The following PLSCR2 variants were observed in gnomAD, a reference collection of about 807,000 sequenced individuals.
PLSCR2 encodes the protein phospholipid scramblase 2, also known as PL scramblase 2.
A neutral mutation model predicts 25.3 loss-of-function variants in PLSCR2; 18 were observed. The observed-to-expected ratio is 0.71, with a 90% CI of 0.49 to 1.06. The LOEUF is 1.06. Among genes scored for constraint, PLSCR2 ranks in the 50% least tolerant of loss-of-function variants. PLSCR2 has a pLI of 0.00. For missense variants in PLSCR2, 243 were observed against 269.5 expected (o/e 0.90, Z 0.69); for synonymous variants, 88 against 87.3 (o/e 1.01, Z -0.04).
exon 5 of PLSCR2, chr3:146,454,118 G>C (rs1482041453): frequency 6.2e-7 from 1 of 1,606,120 alleles, no homozygotes; most frequent in Non-Finnish European, 8.5e-7. Flanking sequence ...TGCCAGGTCT[G>C]AGTAACATAA....
intron 1 of PLSCR2, among the ~76,000 whole-genome samples, chr3:146,482,951 C>A (rs1360059680): frequency 6.6e-6 from 1 of 152,088 alleles, no homozygotes; most frequent in East Asian, 1.9e-4. Context: ...TGGAAACCAT[C>A]ATTCTCAGAA....
chr3:146,426,315 C>CTCCTTCCT (rs944197862), intron 2 of PLSCR2, among the ~76,000 whole-genome samples: 1 of 150,098 alleles, frequency 6.7e-6, no homozygotes, highest in Admixed American at 6.7e-5. Flanking sequence ...CCCTCCTTCC[C>CTCCTTCCT]TCCTTCCTTC....
chr3:146,467,907 T>C (rs1428653007), intron 1 of PLSCR2, among the ~76,000 whole-genome samples: 2 of 152,238 alleles, frequency 1.3e-5, no homozygotes, highest in East Asian at 3.9e-4. Flanking sequence ...TGAAAATTTA[T>C]GAAATTACAG....
downstream of PLSCR2, among the ~76,000 whole-genome samples, chr3:146,431,133 A>G (rs576051674): frequency 2.3e-4 from 35 of 152,300 alleles, no homozygotes; most frequent in Admixed American, 7.2e-4. Context: ...GTGGGAGCAA[A>G]GAAGGGTTAG....
chr3:146,483,408 G>A (rs1265731354), intron 1 of PLSCR2, among the ~76,000 whole-genome samples: 2 of 114,392 alleles, frequency 1.7e-5, no homozygotes, highest in South Asian at 2.7e-4. Context: ...TTGTACACAT[G>A]TACCCTAGAA....
At chr3:146,448,854 A>G (rs2040719064) in intron 6 of PLSCR2, among the ~76,000 whole-genome samples, 1 of 152,136 alleles carries the variant, frequency 6.6e-6, no homozygotes, top group Non-Finnish European at 1.5e-5. Context: ...ATGAGTTAGG[A>G]TGAAATTTCT....
intron 2 of PLSCR2, among the ~76,000 whole-genome samples, chr3:146,425,321 G>A (rs183452949): frequency 2.6e-5 from 4 of 152,198 alleles, no homozygotes; most frequent in Admixed American, 2.0e-4. Flanking sequence ...CCATCCAAAC[G>A]TGGCACTTCT....
downstream of PLSCR2, among the ~76,000 whole-genome samples, chr3:146,430,959 T>TC (rs1286661468): frequency 1.3e-5 from 2 of 152,136 alleles, no homozygotes; most frequent in Non-Finnish European, 2.9e-5. Flanking sequence ...CTACTGACCT[T>TC]CCATGCACTG....
upstream of PLSCR2, chr3:146,461,904 A>G: frequency 6.6e-7 from 1 of 1,513,444 alleles, no homozygotes; most frequent in Non-Finnish European, 8.9e-7. Flanking sequence ...AGGAGTGCCC[A>G]GTACTGGAAT....
intron 1 of PLSCR2, among the ~76,000 whole-genome samples, chr3:146,477,097 G>A (rs1204963552): frequency 1.3e-5 from 2 of 152,214 alleles, no homozygotes; most frequent in African/African-American, 2.4e-5. Context: ...CCTTATACCA[G>A]AGTGTTGCTG....
In PLSCR2 at chr3:146,482,715, C is replaced by G. The variant is rs112117274; in HGVS notation, c.-293+13180G>C. ...TAGAAATACCATTTGACCCAGCCATCCCATTACTGGGTATATACCCAAAGA... is the reference window on the plus strand; with the variant it reads ...TAGAAATACCATTTGACCCAGCCATGCCATTACTGGGTATATACCCAAAGA... On this transcript the variant is annotated intron_variant, in intron 1 of 8. Coordinates refer to the PLSCR2 transcript ENST00000336685. 9.6e-3 allele frequency among the ~76,000 whole-genome samples: 1,457 copies of G among 152,274 alleles called. 25 individuals are homozygous for G. The highest frequency in any genetic ancestry group is 0.034 in the African/African-American group (1,412 of 41,552).
At chr3:146,458,425 A>G (rs778725038) in exon 3 of PLSCR2, 23 of 1,506,274 alleles carry the variant, frequency 1.5e-5, no homozygotes, top group Non-Finnish European at 2.1e-5. Flanking sequence ...CAGAAGTTCA[A>G]TTTGCTGATG....
At chr3:146,495,691 C>T (rs2043721623) in intron 1 of PLSCR2, among the ~76,000 whole-genome samples, 1 of 152,142 alleles carries the variant, frequency 6.6e-6, no homozygotes, top group Admixed American at 6.5e-5. Context: ...AGTACAGAAA[C>T]CAGTTTCTGT....
chr3:146,436,454 A>T (rs1039065397), intron 8 of PLSCR2, among the ~76,000 whole-genome samples: 2 of 151,942 alleles, frequency 1.3e-5, no homozygotes, highest in African/African-American at 4.8e-5. Flanking sequence ...TTTCGTTGAG[A>T]AGTGGTTTGT....
intron 1 of PLSCR2, among the ~76,000 whole-genome samples, chr3:146,472,211 T>C (rs931746310): frequency 7.2e-5 from 11 of 152,388 alleles, no homozygotes; most frequent in African/African-American, 2.6e-4. Flanking sequence ...AAATATTTTG[T>C]ACGAGAAATA....
chr3:146,449,277 A>C lies in PLSCR2; in HGVS notation c.574T>G (p.Phe192Val), dbSNP rs1430358990. ...AGGTCTCTAGGGAATTGGATTCCAA[A>C]GTTGTCAGCATCAGTAAATGCCTCT... The change falls in exon 6 of 7, where the codon TTT becomes GTT. Residue 192 changes from phenylalanine to valine, a missense_variant. Coordinates refer to ENST00000610787, the Ensembl canonical transcript of PLSCR2. The C allele has an allele frequency of 1.9e-6, 3 of 1,612,538 alleles. No individual in the cohort carries two copies. In the East Asian group the frequency reaches 6.7e-5, roughly 36 times the overall value.
intron 2 of PLSCR2, among the ~76,000 whole-genome samples, chr3:146,409,500 A>G (rs2038773520): frequency 6.6e-6 from 1 of 152,160 alleles, no homozygotes; most frequent in Non-Finnish European, 1.5e-5. Flanking sequence ...ACCAAACTCA[A>G]CCATTGATTA....
At chr3:146,479,320 C>A (rs905462106) in intron 1 of PLSCR2, among the ~76,000 whole-genome samples, 3 of 152,090 alleles carry the variant, frequency 2.0e-5, no homozygotes, top group African/African-American at 7.2e-5. Context: ...GAGTCAAGAC[C>A]CATCAGTGTG....
downstream of PLSCR2, among the ~76,000 whole-genome samples, chr3:146,437,937 T>C (rs1323144886): frequency 2.9e-4 from 44 of 152,230 alleles, no homozygotes; most frequent in Non-Finnish European, 1.0e-4. Context: ...CTCTACCCAC[T>C]GCATTAAATG....
Sources: gnomAD v4.1 joint callset for allele counts (sites outside exome capture counted in the v4.1 genomes callset) on GRCh38, gnomAD v4.1.1 for gene constraint, MANE v1.5 for transcripts, NCBI Gene and HGNC (gene_info 2026-07-23, HGNC 2026-07-21) for gene names.